NIBAN1: variants seen among roughly 807,000 people sequenced by gnomAD.
The protein encoded by NIBAN1 is niban apoptosis regulator 1, also known as protein Niban 1.
Under a neutral mutation model 75.1 loss-of-function variants are expected in NIBAN1, and 81 were observed. The ratio of observed to expected loss-of-function variants is 1.08; its 90% CI spans 0.90 to 1.30. NIBAN1 has a LOEUF of 1.30. Ranked by LOEUF, NIBAN1 falls within the 50% of genes most tolerant of loss-of-function variation. The probability of loss-of-function intolerance (pLI) is 0.00; values close to 1 mark genes in which losing one functional copy is unlikely to be tolerated. For synonymous variants in NIBAN1, 436 were observed against 424.8 expected (o/e 1.03, Z -0.32); for missense variants, 1,133 against 1,128.1 (o/e 1.00, Z -0.06).
At chr1:184,801,641 C>T (rs1212569080) in intron 12 of NIBAN1, among the ~76,000 whole-genome samples, 2 of 152,194 alleles carry the variant, frequency 1.3e-5, no homozygotes, top group East Asian at 3.9e-4. Context: ...AACTCTTCCC[C>T]ATGAGGCAAC....
At chr1:184,823,852 C>T in intron 6 of NIBAN1, 110 bp from the exon 7 acceptor site, 1 of 811,222 alleles carries the variant, frequency 1.2e-6, no homozygotes, top group Non-Finnish European at 2.1e-6. Flanking sequence ...ACCAGATGAA[C>T]TCTGTAGTAG....
At chr1:184,938,893 T>C (rs889064615) in intron 1 of NIBAN1, among the ~76,000 whole-genome samples, 2 of 152,234 alleles carry the variant, frequency 1.3e-5, no homozygotes, top group Admixed American at 6.5e-5. Flanking sequence ...CGATATCCCA[T>C]GGCCAGTGGA....
At chr1:184,941,652 C>CAAA (rs1190148311) in intron 1 of NIBAN1, among the ~76,000 whole-genome samples, 3 of 72,222 alleles carry the variant, frequency 4.2e-5, no homozygotes, top group Admixed American at 1.6e-4. Flanking sequence ...GACCCTGTCT[C>CAAA]AAAAAAAAAA....
intron 9 of NIBAN1, among the ~76,000 whole-genome samples, chr1:184,812,041 A>G (rs1002646926): frequency 1.3e-5 from 2 of 152,098 alleles, no homozygotes; most frequent in African/African-American, 4.8e-5. Context: ...TTTCGCTACT[A>G]ACTAGTGGCC....
intron 9 of NIBAN1, among the ~76,000 whole-genome samples, chr1:184,814,712 T>C (rs1291956024): frequency 6.6e-6 from 1 of 152,262 alleles, no homozygotes; most frequent in Non-Finnish European, 1.5e-5. Flanking sequence ...AACCAAGCTC[T>C]AGATTATCAT....
chr1:184,927,866 A>G (rs752852957), intron 1 of NIBAN1, among the ~76,000 whole-genome samples: 1 of 151,844 alleles, frequency 6.6e-6, no homozygotes, highest in Non-Finnish European at 1.5e-5. Context: ...CACCCAAGCC[A>G]CAAGACCAAA....
rs1377293081 is a variant in NIBAN1 at position 184,793,099 on chromosome 1, T to C, written c.*1878A>G. ...ATACATATACTGAGTATTATTCATG[T>C]TTATGACCTAGAAATTCTTCATGGG... On this transcript the variant is annotated 3_prime_UTR_variant, in exon 14 of 14. Transcript: ENST00000367511. 1 of 152,184 alleles carries C rather than the reference T, an allele frequency of 6.6e-6. No individual in the cohort carries two copies. The highest frequency in any genetic ancestry group is 6.5e-5 in the Admixed American group (1 of 15,272). 9.4% of individuals were successfully genotyped at this position (152,184 alleles called of 1,614,324 possible).
chr1:184,947,794 C>G (rs1371187873), intron 1 of NIBAN1, among the ~76,000 whole-genome samples: 1 of 152,198 alleles, frequency 6.6e-6, no homozygotes, highest in African/African-American at 2.4e-5. Context: ...GCACAATTCA[C>G]TAACAAAATA....
chr1:184,951,285 A>C (rs1373428678), intron 1 of NIBAN1, among the ~76,000 whole-genome samples: 1 of 152,210 alleles, frequency 6.6e-6, no homozygotes, highest in African/African-American at 2.4e-5. Flanking sequence ...TTCTTACCCT[A>C]GTGCCTGGCA....
chr1:184,967,657 C>T (rs1045520122), intron 1 of NIBAN1, among the ~76,000 whole-genome samples: 1 of 152,138 alleles, frequency 6.6e-6, no homozygotes, highest in Non-Finnish European at 1.5e-5. Flanking sequence ...ATAAAAATTA[C>T]TATTGTCATC....
intron 1 of NIBAN1, among the ~76,000 whole-genome samples, chr1:184,942,956 G>C (rs1328086346): frequency 6.6e-6 from 1 of 152,194 alleles, no homozygotes; most frequent in Non-Finnish European, 1.5e-5. Flanking sequence ...AAAAGTAATA[G>C]GCAAAGAGAA....
chr1:184,970,871 T>C (rs577334881), intron 1 of NIBAN1, among the ~76,000 whole-genome samples: 1 of 152,300 alleles, frequency 6.6e-6, no homozygotes, highest in South Asian at 2.1e-4. Context: ...AATTCAAGGG[T>C]AATTTTTAGA....
At chr1:184,859,823 G>C (rs1275694264) in intron 5 of NIBAN1, among the ~76,000 whole-genome samples, 1 of 152,188 alleles carries the variant, frequency 6.6e-6, no homozygotes, top group Non-Finnish European at 1.5e-5. Flanking sequence ...GGGCTGGGTG[G>C]GGGTTTCATG....
At chr1:184,969,091 TC>T (rs1254085048) in intron 1 of NIBAN1, among the ~76,000 whole-genome samples, 1 of 152,166 alleles carries the variant, frequency 6.6e-6, no homozygotes, top group Non-Finnish European at 1.5e-5. Context: ...AGCTACATAC[TC>T]CCATTTAGTT....
At chr1:184,953,296 C>T (rs889124103) in intron 1 of NIBAN1, among the ~76,000 whole-genome samples, 1 of 152,192 alleles carries the variant, frequency 6.6e-6, no homozygotes, top group African/African-American at 2.4e-5. Flanking sequence ...TACTTGGGTG[C>T]TCTACCTCCA....
At chr1:184,831,364 C>A (rs992214423) in intron 6 of NIBAN1, among the ~76,000 whole-genome samples, 2 of 152,200 alleles carry the variant, frequency 1.3e-5, no homozygotes, top group African/African-American at 4.8e-5. Context: ...ACTTCCCCAA[C>A]TGCACTTCAC....
intron 1 of NIBAN1, among the ~76,000 whole-genome samples, chr1:184,970,683 G>A (rs1427544411): frequency 6.6e-6 from 1 of 152,136 alleles, no homozygotes; most frequent in Non-Finnish European, 1.5e-5. Context: ...TAAATCCAGT[G>A]GGGGAAAACA....
chr1:184,841,801 C>T (rs1655294910), intron 5 of NIBAN1, among the ~76,000 whole-genome samples: 1 of 152,202 alleles, frequency 6.6e-6, no homozygotes, highest in African/African-American at 2.4e-5. Context: ...GCTGAGTTAC[C>T]TTGTAACAGG....
At chr1:184,821,881 A>G (rs1346902525) in intron 8 of NIBAN1, among the ~76,000 whole-genome samples, 1 of 152,166 alleles carries the variant, frequency 6.6e-6, no homozygotes, top group East Asian at 1.9e-4. Flanking sequence ...ACACAGACAC[A>G]CACACCAGTG....
Sources: allele counts gnomAD v4.1 joint callset (sites outside exome capture counted in the v4.1 genomes callset), GRCh38; gene constraint gnomAD v4.1.1; transcripts MANE v1.5; gene names NCBI Gene and HGNC (gene_info 2026-07-23, HGNC 2026-07-21).